The following FSTL5 variants were observed in gnomAD, a reference collection of about 807,000 sequenced individuals.
FSTL5 encodes the protein follistatin-related protein 5.
In FSTL5, 62 loss-of-function variants were observed where a neutral mutation model predicts 89.1. That is an observed-to-expected ratio of 0.70 (90% CI 0.57 to 0.86). The LOEUF is 0.86. FSTL5 is among the 40% of genes least tolerant of loss of function. FSTL5 has a pLI of 0.00. For missense variants in FSTL5, 1,057 were observed against 1,001.6 expected, an observed-to-expected ratio of 1.06 and a Z score of -0.75; for synonymous variants, 383 against 346.2, an observed-to-expected ratio of 1.11 and a Z score of -1.18.
intron 15 of FSTL5, among the ~76,000 whole-genome samples, chr4:161,411,614 A>G (rs192507873): frequency 4.3e-4 from 66 of 152,296 alleles, no homozygotes; most frequent in African/African-American, 1.5e-3. Flanking sequence ...TGGCAGAGGA[A>G]GCTTTCAATA....
At chr4:161,665,128 A>C (rs1388915302) in intron 6 of FSTL5, among the ~76,000 whole-genome samples, 2 of 152,156 alleles carry the variant, frequency 1.3e-5, no homozygotes, top group Non-Finnish European at 1.5e-5. Flanking sequence ...AATTAGGAAC[A>C]CTCAATTTAC....
chr4:162,072,124 T>C (rs550049574), intron 2 of FSTL5, among the ~76,000 whole-genome samples: 304 of 151,884 alleles, frequency 2.0e-3, no homozygotes, highest in South Asian at 3.9e-3. Flanking sequence ...TTAAATCAAA[T>C]GGCAGGCATA....
Position 162,111,265 on chromosome 4 carries a change from C to G in FSTL5, c.126+6G>C, listed in dbSNP as rs767841316. 3 of 1,601,332 alleles carry G rather than the reference C, an allele frequency of 1.9e-6. No homozygotes were observed. The East Asian group carries it at 6.7e-5, about 36-fold the overall frequency. On this transcript the variant is annotated splice_donor_region_variant and intron_variant, in intron 2 of 15. Transcript: ENST00000306100. The stretch of plus-strand genomic sequence containing the variant: ...ACTATGAGCAGATTCAGAATATTGA[C>G]TGTACCTTATGTCGCAATCTCATTA...
chr4:161,966,985 G>T (rs542616329), intron 3 of FSTL5, among the ~76,000 whole-genome samples: 1 of 151,166 alleles, frequency 6.6e-6, no homozygotes, highest in Admixed American at 6.6e-5. Context: ...CATATTTTAC[G>T]CAAGATGGAC....
chr4:161,751,048 T>A (rs1245348129), intron 6 of FSTL5, among the ~76,000 whole-genome samples: 1 of 152,146 alleles, frequency 6.6e-6, no homozygotes, highest in Non-Finnish European at 1.5e-5. Flanking sequence ...TAAATCATTA[T>A]GTTAGCAAGC....
At chr4:161,892,915 C>T (rs1733034513) in intron 4 of FSTL5, among the ~76,000 whole-genome samples, 1 of 152,074 alleles carries the variant, frequency 6.6e-6, no homozygotes, top group South Asian at 2.1e-4. Context: ...AAATATTTGC[C>T]ATAATGTTGT....
At chr4:162,038,807 C>A (rs942547368) in intron 2 of FSTL5, among the ~76,000 whole-genome samples, 2 of 151,830 alleles carry the variant, frequency 1.3e-5, no homozygotes, top group African/African-American at 4.8e-5. Flanking sequence ...CACTGAGAAG[C>A]AAATGCTCTC....
At chr4:162,035,140 T>TCAG (rs1737685156) in intron 2 of FSTL5, 2 of 151,708 alleles carry the variant, frequency 1.3e-5, no homozygotes, top group African/African-American at 2.4e-5. Flanking sequence ...CATTCATTCA[T>TCAG]TCAGTCAGTC....
intron 4 of FSTL5, among the ~76,000 whole-genome samples, chr4:161,911,480 A>G (rs983836084): frequency 6.6e-6 from 1 of 152,168 alleles, no homozygotes. Context: ...AAAAAACGTG[A>G]TTACAATGCA....
At chr4:161,399,765 G>T (rs1021540291) in intron 15 of FSTL5, among the ~76,000 whole-genome samples, 6 of 152,134 alleles carry the variant, frequency 3.9e-5, no homozygotes, top group African/African-American at 9.7e-5. Flanking sequence ...GAGTGGAGAT[G>T]ATTGCATTTT....
rs188153734 is a variant in FSTL5, at chr4:161,799,013, G to T, written c.410-22939C>A. Among the ~76,000 whole-genome samples, 8 of 151,744 alleles carry T rather than the reference G, an allele frequency of 5.3e-5. No homozygotes were observed. The East Asian group carries it at 1.2e-3, about 22-fold the overall frequency. On this transcript the variant is annotated intron_variant, in intron 4 of 15. Coordinates refer to ENST00000306100, the MANE Select transcript of FSTL5 (RefSeq NM_020116.5). ...AAAAGGTAAACCCTATATTAGGTTT[G>T]ATATTAAGACTACTTATTATTAAAT...
chr4:161,472,179 G>A (rs1375119732), intron 13 of FSTL5, among the ~76,000 whole-genome samples: 2 of 151,948 alleles, frequency 1.3e-5, no homozygotes, highest in Non-Finnish European at 2.9e-5. Flanking sequence ...GAGTTTCACC[G>A]TGTTAGCCAG....
intron 3 of FSTL5, among the ~76,000 whole-genome samples, chr4:162,008,069 C>T (rs973185662): frequency 6.6e-6 from 1 of 151,526 alleles, no homozygotes; most frequent in African/African-American, 2.4e-5. Context: ...GTAAAATATA[C>T]TATGATAAAG....
intron 4 of FSTL5, among the ~76,000 whole-genome samples, chr4:161,893,614 T>C (rs942729851): frequency 6.6e-6 from 1 of 152,142 alleles, no homozygotes; most frequent in African/African-American, 2.4e-5. Context: ...GCAGACATAC[T>C]CTTTTGTTTT....
chr4:161,594,749 A>G (rs2126615797), intron 7 of FSTL5, among the ~76,000 whole-genome samples: 1 of 152,144 alleles, frequency 6.6e-6, no homozygotes, highest in East Asian at 1.9e-4. Flanking sequence ...TCCTCTCATC[A>G]GTTTGAATAA....
chr4:161,742,926 G>GA (rs576272795), intron 6 of FSTL5, among the ~76,000 whole-genome samples: 6 of 150,656 alleles, frequency 4.0e-5, no homozygotes, highest in East Asian at 2.0e-4. Context: ...GTATATCTTT[G>GA]AAAAAAAAAT....
chr4:161,407,166 T>C (rs1028054257), intron 15 of FSTL5, among the ~76,000 whole-genome samples: 4 of 152,138 alleles, frequency 2.6e-5, no homozygotes, highest in South Asian at 2.1e-4. Flanking sequence ...TTGTCACGAA[T>C]TGTACACTTT....
intron 4 of FSTL5, among the ~76,000 whole-genome samples, chr4:161,846,539 A>G (rs1321287327): frequency 6.6e-6 from 1 of 152,168 alleles, no homozygotes; most frequent in Non-Finnish European, 1.5e-5. Flanking sequence ...TACTATATGA[A>G]TAGTAACTTA....
intron 6 of FSTL5, among the ~76,000 whole-genome samples, chr4:161,751,147 A>G (rs911288054): frequency 5.2e-4 from 79 of 152,286 alleles, no homozygotes; most frequent in African/African-American, 1.6e-3. Context: ...GTGGTATCCC[A>G]TTAAGGTAAT....
Sources: gnomAD v4.1 joint callset for allele counts (sites outside exome capture counted in the v4.1 genomes callset) on GRCh38, gnomAD v4.1.1 for gene constraint, MANE v1.5 for transcripts, NCBI Gene and HGNC (gene_info 2026-07-23, HGNC 2026-07-21) for gene names.